Variants in INTS7 observed in about 807,000 individuals in gnomAD.
INTS7 encodes the protein chromosome 1 open reading frame 73.
A neutral mutation model predicts 109.2 loss-of-function variants in INTS7; 46 were observed. The ratio of observed to expected loss-of-function variants is 0.42; its 90% CI spans 0.33 to 0.54. The LOEUF is 0.54. Ranked by LOEUF, INTS7 falls within the 20% of genes least tolerant of loss-of-function variation. The pLI is 0.07. For synonymous variants in INTS7, 412 were observed against 402.9 expected (o/e 1.02, Z -0.27); for missense variants, 929 against 1,132.4 (o/e 0.82, Z 2.58).
intron 4 of INTS7, among the ~76,000 whole-genome samples, chr1:212,013,716 T>C (rs1327425216): frequency 6.6e-6 from 1 of 152,236 alleles, no homozygotes; most frequent in Non-Finnish European, 1.5e-5. Context: ...ACTGAGCCTT[T>C]TCTATGTTTA....
intron 1 of INTS7, chr1:212,030,873 T>C (rs1667131762): frequency 6.6e-6 from 1 of 152,242 alleles, no homozygotes. Context: ...ATCTGTGGTC[T>C]TTCTTGACAA....
In INTS7 at chr1:212,021,198, T is replaced by C. The variant is rs768142736; in HGVS notation, c.109A>G (p.Lys37Glu). The C allele has an allele frequency of 6.2e-7, 1 of 1,610,060 alleles. No homozygotes were observed. The highest frequency in any genetic ancestry group is 8.5e-7 in the Non-Finnish European group (1 of 1,178,676). Residue 37 changes from lysine (K) to glutamate (E), a missense_variant, in exon 2 of 20, where the codon AAA becomes GAA. By Grantham distance (56) the Lys-to-Glu change is moderately conservative. Transcript: ENST00000366994. ...ACTGCTTCACACTGTTCACCAAGTT[T>C]GCCAGATCTTAGGCCTATGGAAAAA... ...MELDKGLRSG[K>E]LGEQCEAVVR...
Position 212,021,063 on chromosome 1 carries a change from G to C in INTS7, c.224+20C>G. The C allele has an allele frequency of 6.3e-7, 1 of 1,584,740 alleles. No homozygotes were observed. Among genetic ancestry groups the C allele is most frequent in the Non-Finnish European group, 8.6e-7 (1 of 1,168,222 alleles). Reference sequence around the variant, plus strand: ...TATGAACAAAGTACTTTAGGACATCGAGAATTTAAAAAGACTTACCCAACT... The same window carrying C: ...TATGAACAAAGTACTTTAGGACATCCAGAATTTAAAAAGACTTACCCAACT... On this transcript the variant is annotated intron_variant, in intron 2 of 19. Transcript: ENST00000366994.
chr1:211,959,798 G>A lies in INTS7; in HGVS notation c.2183+6632C>T, dbSNP rs1298782579. ...ACAGTTCTGTGTCTGCCAGCGCCAC[G>A]CCCCTATGCTTATACTACCACTAGT... On this transcript the variant is annotated intron_variant, in intron 16 of 19. Coordinates refer to ENST00000366994, the MANE Select transcript of INTS7 (RefSeq NM_015434.4). This position sits in a 1 kb window ranked among gnomAD's most constrained non-coding sequence, Gnocchi z 4.2. 2.0e-5 allele frequency among the ~76,000 whole-genome samples: 3 copies of A among 152,118 alleles called. No individual in the cohort carries two copies. Among genetic ancestry groups the A allele is most frequent in the South Asian group, 2.1e-4 (1 of 4,830 alleles).
At chr1:211,948,207 T>C (rs1030741505) in intron 17 of INTS7, among the ~76,000 whole-genome samples, 1 of 152,052 alleles carries the variant, frequency 6.6e-6, no homozygotes, top group Non-Finnish European at 1.5e-5. Context: ...GCCAGAAAAA[T>C]CCATTCCTTA....
intron 1 of INTS7, among the ~76,000 whole-genome samples, chr1:212,031,722 A>G (rs1667174076): frequency 6.6e-6 from 1 of 152,244 alleles, no homozygotes; most frequent in Non-Finnish European, 1.5e-5. Flanking sequence ...ATGAATGGCT[A>G]TCACATGAAG....
At chr1:211,971,521 C>G (rs1664168493) in intron 13 of INTS7, among the ~76,000 whole-genome samples, 1 of 152,054 alleles carries the variant, frequency 6.6e-6, no homozygotes, top group Admixed American at 6.6e-5. Flanking sequence ...TTTAGATGAT[C>G]AAAGCAAGTC....
Position 211,978,260 on chromosome 1 carries a change from T to C in INTS7, c.1470+12A>G, listed in dbSNP as rs761010922. On this transcript the variant is annotated intron_variant, in intron 11 of 19. Transcript: ENST00000366994. ...CTAGTCATTCAAAGGAGATTCAAAATGGGCTTTTTACCAGAAGTTCTTGTT... is the reference window on the plus strand; with the variant it reads ...CTAGTCATTCAAAGGAGATTCAAAACGGGCTTTTTACCAGAAGTTCTTGTT... 13 of 1,613,730 alleles carry C rather than the reference T, an allele frequency of 8.1e-6. No individual in the cohort carries two copies. Among genetic ancestry groups the C allele is most frequent in the Non-Finnish European group, 1.1e-5 (13 of 1,179,742 alleles).
At position 212,007,309 on chromosome 1, in the gene INTS7, C is replaced by A; in HGVS notation, c.697G>T (p.Val233Leu). ...AGCAGAGTGAAAGTGTGCAAAGACA[C>A]AATCACCATTTTGGTGGACGGATAG... ...TSYPSTKMVI[V>L]SLHTFTLLAA... The change falls in exon 6 of 20, where the codon GTG (valine) becomes TTG (leucine). Residue 233 changes from valine to leucine, a missense_variant. By Grantham distance (32) the Val-to-Leu change is conservative. Transcript: ENST00000366994. 1.2e-6 allele frequency: 2 copies of A among 1,614,032 alleles called. No individual in the cohort carries two copies. The highest frequency in any genetic ancestry group is 1.7e-6 in the Non-Finnish European group (2 of 1,179,948).
At chr1:211,989,694 C>T (rs2102441147) in intron 7 of INTS7, among the ~76,000 whole-genome samples, 1 of 151,894 alleles carries the variant, frequency 6.6e-6, no homozygotes, top group East Asian at 1.9e-4. Context: ...TGGTGGTGCA[C>T]ACCTGTAGTA....
intron 1 of INTS7, chr1:212,030,610 G>A (rs989004619): frequency 7.2e-5 from 11 of 152,056 alleles, no homozygotes; most frequent in African/African-American, 2.7e-4. Context: ...GATTTTATAG[G>A]TCCGCTTCTC....
At chr1:211,974,056 T>G (rs1005895089) in intron 13 of INTS7, among the ~76,000 whole-genome samples, 1 of 152,032 alleles carries the variant, frequency 6.6e-6, no homozygotes, top group African/African-American at 2.4e-5. Flanking sequence ...TTCAACAGAA[T>G]TTTTCATAAA....
At position 211,966,465 on chromosome 1, in the gene INTS7, T is replaced by C. The variant is rs1230506608; in HGVS notation, c.2148A>G (p.Ala716=). 1.9e-6 allele frequency: 3 copies of C among 1,609,482 alleles called. No individual in the cohort carries two copies. The South Asian group carries it at 3.3e-5, about 18-fold the overall frequency. The change falls in exon 16 of 20, where the codon GCA becomes GCG. Residue 716 remains alanine (A), a synonymous_variant. Coordinates refer to ENST00000366994, the MANE Select transcript of INTS7 (RefSeq NM_015434.4). ...CTGGATCCAAAATCAGGGCTTCTAT[T>C]GCATGAGATATCAGTAAACAGCTCT... is the stretch of plus-strand genomic sequence containing the variant. ...QQQSCLLISH[A]IEALILDPES... is the part of the protein sequence containing the mutation.
At position 212,018,729 on chromosome 1, in the gene INTS7, A is replaced by G. The variant is rs79402307; in HGVS notation, c.371+1393T>C. ...TACTATTTGACTACTTTTTAAAACA[A>G]TATCTTTCTATGTCAGTATATATAG... is the stretch of plus-strand genomic sequence containing the variant. On this transcript the variant is annotated intron_variant, in intron 3 of 19. Transcript: ENST00000366994. Among the ~76,000 whole-genome samples, 827 of 152,210 alleles carry G rather than the reference A, an allele frequency of 5.4e-3. 4 individuals carry two copies. Among genetic ancestry groups the G allele is most frequent in the African/African-American group, 0.019 (779 of 41,532 alleles).
chr1:212,004,751 G>A (rs1051483973), intron 7 of INTS7, among the ~76,000 whole-genome samples: 4 of 152,098 alleles, frequency 2.6e-5, no homozygotes, highest in African/African-American at 9.7e-5. Context: ...ATAGGCAAGA[G>A]ACCTGAATAG....
intron 10 of INTS7, among the ~76,000 whole-genome samples, chr1:211,979,314 G>T (rs1664549347): frequency 2.0e-5 from 3 of 152,168 alleles, no homozygotes; most frequent in Admixed American, 2.0e-4. Context: ...TCAGTGGGGT[G>T]TCAGGCACAC....
chr1:212,026,824 AAGGCATAGTAGGAAACAGCCTAT>A (rs1305838227), intron 1 of INTS7, among the ~76,000 whole-genome samples: 1 of 152,212 alleles, frequency 6.6e-6, no homozygotes, highest in Admixed American at 6.5e-5. Flanking sequence ...TGAGATGAAA[AAGGCATAGTAGGAAACAGCCTAT>A]GTACAGGTAG....
intron 17 of INTS7, among the ~76,000 whole-genome samples, chr1:211,948,839 CT>C (rs1352548925): frequency 3.3e-5 from 5 of 152,202 alleles, no homozygotes; most frequent in Non-Finnish European, 5.9e-5. Flanking sequence ...TCCTGAGTAG[CT>C]GGGATTACAG....
At chr1:211,984,821 T>C (rs555708843) in intron 8 of INTS7, among the ~76,000 whole-genome samples, 9 of 152,218 alleles carry the variant, frequency 5.9e-5, no homozygotes, top group African/African-American at 2.2e-4. Flanking sequence ...TCTTGTTTTA[T>C]TTCTCTTTAA....
Sources: allele counts gnomAD v4.1 joint callset (sites outside exome capture counted in the v4.1 genomes callset), GRCh38; gene constraint gnomAD v4.1.1; non-coding constraint Gnocchi (gnomAD v3.1); transcripts MANE v1.5; gene names NCBI Gene and HGNC (gene_info 2026-07-23, HGNC 2026-07-21).